Variants in ZNF205 observed in about 807,000 individuals in gnomAD.
The protein encoded by ZNF205 is transcriptional repressor RHIT.
Under a neutral mutation model 53.6 loss-of-function variants are expected in ZNF205, and 32 were observed. That is an observed-to-expected ratio of 0.60 (90% CI 0.45 to 0.80). The LOEUF is 0.80. ZNF205 is among the 30% of genes least tolerant of loss of function. ZNF205 has a pLI of 0.00. For synonymous variants in ZNF205, 382 were observed against 334.3 expected, an observed-to-expected ratio of 1.14 and a Z score of -1.56; for missense variants, 836 against 782.4, an observed-to-expected ratio of 1.07 and a Z score of -0.82.
At chr16:3,114,260 G>A (rs1026945176) in intron 2 of ZNF205, among the ~76,000 whole-genome samples, 3 of 152,054 alleles carry the variant, frequency 2.0e-5, no homozygotes, top group African/African-American at 2.4e-5. Context: ...TGCGCACGGC[G>A]GGGGGGATTA....
At chr16:3,117,124 A>C (rs781204511) in intron 5 of ZNF205, among the ~76,000 whole-genome samples, 1 of 152,158 alleles carries the variant, frequency 6.6e-6, no homozygotes, top group Non-Finnish European at 1.5e-5. Flanking sequence ...AGCTCAAATG[A>C]GAGTTTAAAT....
chr16:3,115,607 G>A (rs1957333408), intron 3 of ZNF205, 39 bp downstream of exon 3: 1 of 1,545,124 alleles, frequency 6.5e-7, no homozygotes, highest in Non-Finnish European at 8.7e-7. Context: ...TCCCAGGGAG[G>A]CAGCTGTGGG....
At chr16:3,115,945 G>A in intron 4 of ZNF205, 25 bp downstream of exon 4, 1 of 1,604,168 alleles carries the variant, frequency 6.2e-7, no homozygotes, top group South Asian at 1.1e-5. Context: ...CCCGGCCCCT[G>A]CATGGTACTC....
intron 5 of ZNF205, among the ~76,000 whole-genome samples, chr16:3,118,292 C>G (rs764076967): frequency 6.6e-6 from 1 of 152,064 alleles, no homozygotes; most frequent in South Asian, 2.1e-4. Context: ...GGCTGCTCAC[C>G]GCTCTTATGG....
At position 3,119,847 on chromosome 16, in the gene ZNF205, G is replaced by A. The variant is rs747190672; in HGVS notation, c.1187G>A (p.Arg396His). 2 of 1,612,500 alleles carry A rather than the reference G, an allele frequency of 1.2e-6. No homozygotes were observed. The highest frequency in any genetic ancestry group is 8.5e-7 in the Non-Finnish European group (1 of 1,179,666). ...GGAGAGAAGCCCTACGTGTGCGACC[G>A]CTGCGCCAAGCGCTTCACCCGCCGC... ...HTGEKPYVCDRCAKRFTRRSD... is the reference protein window; with the variant it reads ...HTGEKPYVCDHCAKRFTRRSD... The change falls in exon 7 of 7, where the codon CGC becomes CAC. Residue 396 changes from arginine to histidine, a missense_variant. By Grantham distance (29) the Arg-to-His change is conservative. Transcript: ENST00000219091.
At chr16:3,115,954 T>G in intron 4 of ZNF205, 34 bp downstream of exon 4, 2 of 1,595,574 alleles carry the variant, frequency 1.3e-6, no homozygotes, top group Non-Finnish European at 1.7e-6. Context: ...TGCATGGTAC[T>G]CAGCCCTTCC....
rs769767967 is a variant in ZNF205 at position 3,116,419 on chromosome 16, T to G, written c.364-8T>G. On this transcript the variant is annotated splice_polypyrimidine_tract_variant and splice_region_variant and intron_variant, in intron 4 of 6. Transcript: ENST00000219091. ...GTCCTGGAGAGTGGATGTTTCACAT[T>G]GTTTCAGATGCCAGTGACTTTCGAG... 2 of 1,613,896 alleles carry G rather than the reference T, an allele frequency of 1.2e-6. No homozygotes were observed. The highest frequency in any genetic ancestry group is 1.7e-6 in the Non-Finnish European group (2 of 1,179,990).
At position 3,114,399 on chromosome 16, in the gene ZNF205, A is replaced by G. The variant is rs186268311; in HGVS notation, c.57+912A>G. On this transcript the variant is annotated intron_variant, in intron 2 of 6. Transcript: ENST00000219091. The stretch of plus-strand genomic sequence containing the variant: ...GCAGCTGCGTCCTGAAGGCTGCCTG[A>G]TTGGGGAGGGGTGTCGCTGGGTCTG... Among the ~76,000 whole-genome samples, 334 of 152,208 alleles carry G rather than the reference A, an allele frequency of 2.2e-3. 4 individuals are homozygous for G. Among genetic ancestry groups the G allele is most frequent in the Admixed American group, 8.4e-3 (129 of 15,294 alleles).
In ZNF205 at chr16:3,119,584, C is replaced by CCGGTGCGAGCAGTG. The variant is rs1957393402; in HGVS notation, c.928_941dup (p.Lys315AlafsTer15). The stretch of plus-strand genomic sequence containing the variant: ...ACAGTGAGGTGGGCAGGAAGAGCTA[C>CCGGTGCGAGCAGTG]CGGTGCGAGCAGTGCGGCAAGGGCT... On this transcript the variant is annotated frameshift_variant, in exon 7 of 7. Coordinates refer to ENST00000219091, the MANE Select transcript of ZNF205 (RefSeq NM_001042428.2). LOFTEE classifies it high-confidence loss of function. 1 of 1,608,370 alleles carries CCGGTGCGAGCAGTG rather than the reference C, an allele frequency of 6.2e-7. No homozygotes were observed. The highest frequency in any genetic ancestry group is 1.7e-5 in the Admixed American group (1 of 59,724).
In ZNF205 at chr16:3,119,653, G is replaced by C; in HGVS notation, c.993G>C (p.Thr331=). 1 of 1,611,878 alleles carries C rather than the reference G, an allele frequency of 6.2e-7. No homozygotes were observed. Among genetic ancestry groups the C allele is most frequent in the Non-Finnish European group, 8.5e-7 (1 of 1,179,348 alleles). Residue 331 remains threonine (T), a synonymous_variant, in exon 7 of 7, where the codon ACG becomes ACC. Coordinates refer to ENST00000219091, the MANE Select transcript of ZNF205 (RefSeq NM_001042428.2). ...SHLVTHRRTH[T]GEKPYACTDC... is the part of the protein sequence containing the mutation. ...TGGTGACGCACCGGCGCACGCACAC[G>C]GGCGAGAAGCCCTACGCCTGCACTG...
Position 3,119,759 on chromosome 16 carries a change from C to T in ZNF205, c.1099C>T (p.Pro367Ser), listed in dbSNP as rs1957397886. 6.2e-7 allele frequency: 1 copy of T among 1,613,768 alleles called. No individual in the cohort carries two copies. The highest frequency in any genetic ancestry group is 8.5e-7 in the Non-Finnish European group (1 of 1,179,918). Reference protein sequence around the residue: ...IHTGEKPYTCPACRKSFSHHS... With the variant: ...IHTGEKPYTCSACRKSFSHHS... The stretch of plus-strand genomic sequence containing the variant: ...CACGGGCGAGAAGCCCTACACCTGC[C>T]CCGCCTGCCGGAAGAGCTTCAGCCA... Residue 367 changes from proline (P) to serine (S), a missense_variant, in exon 7 of 7, where the codon CCC becomes TCC. Pro to Ser is a moderately conservative substitution (Grantham distance 74). Coordinates refer to ENST00000219091, the MANE Select transcript of ZNF205 (RefSeq NM_001042428.2).
intron 2 of ZNF205, 47 bp downstream of exon 2, chr16:3,113,534 T>A (rs758840532): frequency 2.5e-6 from 4 of 1,597,344 alleles, no homozygotes; most frequent in Non-Finnish European, 2.6e-6. Flanking sequence ...AAGAGGCTGG[T>A]GCGGAGGAGA....
Position 3,119,646 on chromosome 16 carries a change from C to A in ZNF205, c.986C>A (p.Thr329Lys), listed in dbSNP as rs770869289. The A allele has an allele frequency of 1.1e-5, 17 of 1,612,494 alleles. No homozygotes were observed. Among genetic ancestry groups the A allele is most frequent in the Non-Finnish European group, 1.4e-5 (16 of 1,179,602 alleles). Residue 329 changes from threonine to lysine, a missense_variant, in exon 7 of 7, where the codon ACG (threonine) becomes AAG (lysine). Transcript: ENST00000219091. Reference protein sequence around the residue: ...WHSHLVTHRRTHTGEKPYACT... With the variant: ...WHSHLVTHRRKHTGEKPYACT... Reference sequence around the variant, plus strand: ...TCGCACCTGGTGACGCACCGGCGCACGCACACGGGCGAGAAGCCCTACGCC... The same window carrying A: ...TCGCACCTGGTGACGCACCGGCGCAAGCACACGGGCGAGAAGCCCTACGCC...
chr16:3,116,185 G>A, intron 4 of ZNF205: 2 of 656,014 alleles, frequency 3.0e-6, no homozygotes, highest in Non-Finnish European at 2.6e-6. Context: ...CTGAGGCTGG[G>A]GGCTGCATGG....
At position 3,120,007 on chromosome 16, in the gene ZNF205, G is replaced by A; in HGVS notation, c.1347G>A (p.Pro449=). 1 of 1,613,180 alleles carries A rather than the reference G, an allele frequency of 6.2e-7. No homozygotes were observed. The highest frequency in any genetic ancestry group is 8.5e-7 in the Non-Finnish European group (1 of 1,179,796). The change falls in exon 7 of 7, where the codon CCG becomes CCA. Residue 449 remains proline, a synonymous_variant. Coordinates refer to ENST00000219091, the MANE Select transcript of ZNF205 (RefSeq NM_001042428.2). ...CCCACACTGGGGTCAAGCCCTATCCGTGCCCCGAGTGCGGCAAGTGCTTCA... is the reference window on the plus strand; with the variant it reads ...CCCACACTGGGGTCAAGCCCTATCCATGCCCCGAGTGCGGCAAGTGCTTCA... ...QRTHTGVKPY[P]CPECGKCFSQ...
chr16:3,114,717 G>A (rs564569677), intron 2 of ZNF205: 4 of 152,350 alleles, frequency 2.6e-5, no homozygotes, highest in African/African-American at 9.6e-5. Flanking sequence ...CAGTCCTGGA[G>A]GCCTGCAGTC....
chr16:3,120,280 G>A lies in ZNF205; in HGVS notation c.1620G>A (p.Ala540=), dbSNP rs150972953. 1,528 of 1,594,198 alleles carry A rather than the reference G, an allele frequency of 9.6e-4. 11 individuals carry two copies. In the African/African-American group the frequency reaches 0.017, roughly 18 times the overall value. ...CCCTGGCCATGCTGATGCTGGGGGCGGCGGCGGCGGGGGCTCTGGCCACAC... is the reference window on the plus strand; with the variant it reads ...CCCTGGCCATGCTGATGCTGGGGGCAGCGGCGGCGGGGGCTCTGGCCACAC... ...PKALAMLMLG[A]AAAGALATPP... Residue 540 remains alanine (A), a synonymous_variant, in exon 7 of 7, where the codon GCG becomes GCA. Coordinates refer to ENST00000219091, the MANE Select transcript of ZNF205 (RefSeq NM_001042428.2).
chr16:3,116,399 G>T (rs1957345929), intron 4 of ZNF205, 28 bp from the exon 5 acceptor site: 1 of 1,613,370 alleles, frequency 6.2e-7, no homozygotes, highest in Non-Finnish European at 8.5e-7. Flanking sequence ...GTCATGTCCT[G>T]GAGAGTGGAT....
chr16:3,115,483 G>T lies in ZNF205; in HGVS notation c.186G>T (p.Ser62=). The part of the protein sequence containing the change: ...EPEEPHSEGA[S]QEDGAQGAWG... ...AAGAGCCACACTCCGAGGGGGCATC[G>T]CAGGAGGATGGGGCTCAAGGTGCCT... is the stretch of plus-strand genomic sequence containing the variant. Residue 62 remains serine, a synonymous_variant, in exon 3 of 7, where the codon TCG becomes TCT. Transcript: ENST00000219091. The T allele has an allele frequency of 6.2e-7, 1 of 1,609,512 alleles. No individual in the cohort carries two copies. The highest frequency in any genetic ancestry group is 8.5e-7 in the Non-Finnish European group (1 of 1,178,054).
Sources: allele counts gnomAD v4.1 joint callset (sites outside exome capture counted in the v4.1 genomes callset), GRCh38; gene constraint gnomAD v4.1.1; transcripts MANE v1.5; gene names NCBI Gene and HGNC (gene_info 2026-07-23, HGNC 2026-07-21).